NUDT5: variants seen among roughly 807,000 people sequenced by gnomAD.
NUDT5 encodes the protein ADP-sugar pyrophosphatase.
In NUDT5, 21 loss-of-function variants were observed where a neutral mutation model predicts 34.1. The ratio of observed to expected loss-of-function variants is 0.62; its 90% CI spans 0.44 to 0.89. NUDT5 has a LOEUF of 0.89. NUDT5 is among the 40% of genes least tolerant of loss of function. The pLI, the probability that NUDT5 is intolerant of heterozygous loss-of-function variation, is 0.00. For synonymous variants in NUDT5, 85 were observed against 97.6 expected (o/e 0.87, Z 0.76); for missense variants, 249 against 274.8 (o/e 0.91, Z 0.66).
chr10:12,189,894 ATTT>A (rs34725302), intron 1 of NUDT5, among the ~76,000 whole-genome samples: 12 of 130,882 alleles, frequency 9.2e-5, no homozygotes, highest in Non-Finnish European at 1.2e-4. Context: ...GTGTTCTACA[ATTT>A]TTTTTTTTTT....
At position 12,182,728 on chromosome 10, in the gene NUDT5, C is replaced by A. The variant is rs1449681132; in HGVS notation, c.131+2161G>T. On this transcript the variant is annotated intron_variant, in intron 3 of 9. Coordinates refer to ENST00000491614, the MANE Select transcript of NUDT5 (RefSeq NM_014142.4). The surrounding 1 kb of genome is among the most constrained non-coding windows in gnomAD (Gnocchi z 4.3). ...GCGAAGAGATGAGCTGGCGCGAACA[C>A]ATCTTTTTATTTTATTTTTATTTTT... 1.3e-5 allele frequency among the ~76,000 whole-genome samples: 2 copies of A among 152,092 alleles called. No homozygotes were observed. Among genetic ancestry groups the A allele is most frequent in the Non-Finnish European group, 2.9e-5 (2 of 68,010 alleles).
In NUDT5 at chr10:12,191,087, A is replaced by G. The variant is rs190951405; in HGVS notation, c.-42+4683T>C. 3.1e-3 allele frequency among the ~76,000 whole-genome samples: 468 copies of G among 152,226 alleles called. 3 individuals carry two copies. Among genetic ancestry groups the G allele is most frequent in the Non-Finnish European group, 3.9e-3 (265 of 68,012 alleles). ...AAGCTCCTCCTCCACTTTCTCCTTTAAAAAACAAAGGAAAGGCCGGGCACA... is the reference window on the plus strand; with the variant it reads ...AAGCTCCTCCTCCACTTTCTCCTTTGAAAAACAAAGGAAAGGCCGGGCACA... On this transcript the variant is annotated intron_variant, in intron 1 of 9. Transcript: ENST00000491614.
At chr10:12,177,763 TA>T in intron 5 of NUDT5, 29 bp downstream of exon 5, 1 of 1,503,624 alleles carries the variant, frequency 6.7e-7, no homozygotes, top group Non-Finnish European at 9.3e-7. Flanking sequence ...CCAACATCCC[TA>T]AGAAGCAATT....
intron 6 of NUDT5, 60 bp from the exon 7 acceptor site, chr10:12,172,926 CT>C (rs1834884049): frequency 7.9e-7 from 1 of 1,257,930 alleles, no homozygotes; most frequent in Non-Finnish European, 1.2e-6. Flanking sequence ...TCACTATGGT[CT>C]TAGGAAGAAG....
Position 12,169,646 on chromosome 10 carries a change from T to C in NUDT5, c.550+1071A>G, listed in dbSNP as rs1478884619. ...GTGGCTTCTACCTTAGGTCTAGTTT[T>C]TGGAAAGGTGAAGCAGGAGTGGAAG... is the stretch of plus-strand genomic sequence containing the variant. On this transcript the variant is annotated intron_variant, in intron 9 of 9. Coordinates refer to ENST00000491614, the MANE Select transcript of NUDT5 (RefSeq NM_014142.4). The surrounding 1 kb of genome is among the most constrained non-coding windows in gnomAD (Gnocchi z 4.8). 1.6e-5 allele frequency: 4 copies of C among 251,422 alleles called. No homozygotes were observed. Among genetic ancestry groups the C allele is most frequent in the Non-Finnish European group, 3.0e-5 (4 of 132,952 alleles). The allele number at this position is 251,422 out of a possible 1,614,324, so 15.6% of individuals were successfully genotyped here. A position where few individuals can be genotyped will look rare whatever the true frequency, so the allele number is the denominator to read the frequency against.
Position 12,181,979 on chromosome 10 carries a change from A to C in NUDT5, c.132-2847T>G, listed in dbSNP as rs1161259328. Among the ~76,000 whole-genome samples, 2 of 152,088 alleles carry C rather than the reference A, an allele frequency of 1.3e-5. No individual in the cohort carries two copies. Among genetic ancestry groups the C allele is most frequent in the Non-Finnish European group, 2.9e-5 (2 of 68,016 alleles). On this transcript the variant is annotated intron_variant, in intron 3 of 9. Transcript: ENST00000491614. The surrounding 1 kb of genome is among the most constrained non-coding windows in gnomAD (Gnocchi z 5.0). The stretch of plus-strand genomic sequence containing the variant: ...CAACACTGCCTCTACTAAAAATACA[A>C]AAATCAGCCAGGCCCAGTGGCATGC...
Position 12,167,676 on chromosome 10 carries a change from A to G in NUDT5, c.*26T>C. 1 of 1,609,396 alleles carries G rather than the reference A, an allele frequency of 6.2e-7. No individual in the cohort carries two copies. The highest frequency in any genetic ancestry group is 2.2e-5 in the East Asian group (1 of 44,838). On this transcript the variant is annotated 3_prime_UTR_variant, in exon 10 of 10. Coordinates refer to ENST00000491614, the MANE Select transcript of NUDT5 (RefSeq NM_014142.4). ...AAGAAGGCCTGGTGGTCTCGTTTAC[A>G]AAAATGGCCAGTGTCATATTTGGGC...
intron 4 of NUDT5, among the ~76,000 whole-genome samples, chr10:12,178,650 A>ACC (rs1404549113): frequency 6.6e-6 from 1 of 152,240 alleles, no homozygotes; most frequent in African/African-American, 2.4e-5. Flanking sequence ...GGGGAGGGTG[A>ACC]ATGGAATAGG....
At position 12,175,600 on chromosome 10, in the gene NUDT5, C is replaced by T. The variant is rs1484527498; in HGVS notation, c.290-1787G>A. On this transcript the variant is annotated intron_variant, in intron 5 of 9. Transcript: ENST00000491614. The surrounding 1 kb of genome is among the most constrained non-coding windows in gnomAD (Gnocchi z 4.8). ...AAGGCTGCAGTGAGCTGTGATTGTG[C>T]CACTGCACTCCAACATGGGCAACAG... is the stretch of plus-strand genomic sequence containing the variant. Among the ~76,000 whole-genome samples, 1 of 152,054 alleles carries T rather than the reference C, an allele frequency of 6.6e-6. No homozygotes were observed. The highest frequency in any genetic ancestry group is 1.5e-5 in the Non-Finnish European group (1 of 68,008).
Position 12,175,079 on chromosome 10 carries a change from G to A in NUDT5, c.290-1266C>T, listed in dbSNP as rs1042793932. Among the ~76,000 whole-genome samples, 2 of 152,156 alleles carry A rather than the reference G, an allele frequency of 1.3e-5. No individual in the cohort carries two copies. Among genetic ancestry groups the A allele is most frequent in the African/African-American group, 4.8e-5 (2 of 41,434 alleles). ...CCACACCTGTAACCCCAGCACTTTG[G>A]GAGGCCGAGGCGGGCAGATCACCTG... On this transcript the variant is annotated intron_variant, in intron 5 of 9. Transcript: ENST00000491614. The surrounding 1 kb of genome is among the most constrained non-coding windows in gnomAD (Gnocchi z 4.8).
Position 12,173,034 on chromosome 10 carries a change from C to T in NUDT5, c.386-168G>A, listed in dbSNP as rs1490379418. 1.3e-5 allele frequency among the ~76,000 whole-genome samples: 2 copies of T among 152,224 alleles called. No homozygotes were observed. Among genetic ancestry groups the T allele is most frequent in the Admixed American group, 6.5e-5 (1 of 15,288 alleles). On this transcript the variant is annotated intron_variant, in intron 6 of 9. Transcript: ENST00000491614. The surrounding 1 kb of genome is among the most constrained non-coding windows in gnomAD (Gnocchi z 4.7). Reference sequence around the variant, plus strand: ...CTGCAGGCTGCAAAGCATCTGGGCACTCACACTCTCCCCAGAGCTCTCGAG... The same window carrying T: ...CTGCAGGCTGCAAAGCATCTGGGCATTCACACTCTCCCCAGAGCTCTCGAG...
chr10:12,195,841 G>A lies in NUDT5; in HGVS notation c.-113C>T, dbSNP rs989209745. The A allele has an allele frequency of 1.3e-5, 3 of 230,912 alleles. No homozygotes were observed. The highest frequency in any genetic ancestry group is 4.6e-5 in the African/African-American group (2 of 43,078). The allele number at this position is 230,912 out of a possible 1,614,324, so 14.3% of individuals were successfully genotyped here. A position where few individuals can be genotyped will look rare whatever the true frequency, so the allele number is the denominator to read the frequency against. On this transcript the variant is annotated 5_prime_UTR_variant, in exon 1 of 10. Coordinates refer to ENST00000491614, the MANE Select transcript of NUDT5 (RefSeq NM_014142.4). Reference sequence around the variant, plus strand: ...GGAGGCAGCAGTGTCAGCCGATGCCGGTGCCACGGCTCGAAACACCGGCGC... The same window carrying A: ...GGAGGCAGCAGTGTCAGCCGATGCCAGTGCCACGGCTCGAAACACCGGCGC...
chr10:12,168,429 G>T lies in NUDT5; in HGVS notation c.551-618C>A, dbSNP rs1256120891. On this transcript the variant is annotated intron_variant, in intron 9 of 9. Coordinates refer to ENST00000491614, the MANE Select transcript of NUDT5 (RefSeq NM_014142.4). The surrounding 1 kb of genome is among the most constrained non-coding windows in gnomAD (Gnocchi z 4.8). ...GGCTTTGCTTTTCTGAAACCAGATG[G>T]TGATGATTATGTAGGATCTTAGGGA... Among the ~76,000 whole-genome samples, 1 of 152,184 alleles carries T rather than the reference G, an allele frequency of 6.6e-6. No homozygotes were observed. Among genetic ancestry groups the T allele is most frequent in the Non-Finnish European group, 1.5e-5 (1 of 68,026 alleles).
rs1368687866 is a variant in NUDT5, at chr10:12,175,664, G to A, written c.290-1851C>T. 6.6e-6 allele frequency among the ~76,000 whole-genome samples: 1 copy of A among 151,934 alleles called. No homozygotes were observed. The highest frequency in any genetic ancestry group is 1.5e-5 in the Non-Finnish European group (1 of 67,966). ...CTCAAAAAAAGAGCCCGGGCATGGC[G>A]GCTCACACCTGTAATCTTAGCACTT... On this transcript the variant is annotated intron_variant, in intron 5 of 9. Coordinates refer to ENST00000491614, the MANE Select transcript of NUDT5 (RefSeq NM_014142.4). The surrounding 1 kb of genome is among the most constrained non-coding windows in gnomAD (Gnocchi z 4.8).
At position 12,181,244 on chromosome 10, in the gene NUDT5, C is replaced by A. The variant is rs1264186015; in HGVS notation, c.132-2112G>T. Among the ~76,000 whole-genome samples the A allele has an allele frequency of 6.6e-6, 1 of 152,120 alleles. No homozygotes were observed. The highest frequency in any genetic ancestry group is 1.5e-5 in the Non-Finnish European group (1 of 68,018). On this transcript the variant is annotated intron_variant, in intron 3 of 9. Coordinates refer to ENST00000491614, the MANE Select transcript of NUDT5 (RefSeq NM_014142.4). The surrounding 1 kb of genome is among the most constrained non-coding windows in gnomAD (Gnocchi z 5.0). ...CTGTGATTACTCTAGAGATGAAGTG[C>A]GTGGGAGGATGTGCATAGGTTAGAG...
Position 12,182,716 on chromosome 10 carries a change from C to G in NUDT5, c.131+2173G>C, listed in dbSNP as rs1443225271. On this transcript the variant is annotated intron_variant, in intron 3 of 9. Coordinates refer to ENST00000491614, the MANE Select transcript of NUDT5 (RefSeq NM_014142.4). The surrounding 1 kb of genome is among the most constrained non-coding windows in gnomAD (Gnocchi z 4.3). ...AAGACCAGTCAGGCGAAGAGATGAG[C>G]TGGCGCGAACACATCTTTTTATTTT... 6.6e-6 allele frequency among the ~76,000 whole-genome samples: 1 copy of G among 152,160 alleles called. No individual in the cohort carries two copies. The highest frequency in any genetic ancestry group is 1.5e-5 in the Non-Finnish European group (1 of 68,034).
chr10:12,179,288 A>C (rs1423030099), intron 3 of NUDT5, among the ~76,000 whole-genome samples, 156 bp from the exon 4 acceptor site: 1 of 152,272 alleles, frequency 6.6e-6, no homozygotes, highest in Non-Finnish European at 1.5e-5. Flanking sequence ...TGCATTAAAG[A>C]AGCTAATTCT....
chr10:12,177,506 G>C (rs576369419), intron 5 of NUDT5, among the ~76,000 whole-genome samples: 1 of 152,172 alleles, frequency 6.6e-6, no homozygotes, highest in Admixed American at 6.5e-5. Context: ...GTGATAGAGC[G>C]AGACTCCGTC....
At position 12,181,122 on chromosome 10, in the gene NUDT5, A is replaced by G. The variant is rs1272667801; in HGVS notation, c.132-1990T>C. Among the ~76,000 whole-genome samples the G allele has an allele frequency of 1.3e-5, 2 of 152,178 alleles. No homozygotes were observed. Among genetic ancestry groups the G allele is most frequent in the Non-Finnish European group, 2.9e-5 (2 of 68,038 alleles). On this transcript the variant is annotated intron_variant, in intron 3 of 9. Transcript: ENST00000491614. The surrounding 1 kb of genome is among the most constrained non-coding windows in gnomAD (Gnocchi z 5.0). ...CCCATTGAAAATATTTAGGAAAAAA[A>G]TTGCATCTATACTGAACAGGTCCAC...
Sources: allele counts gnomAD v4.1 joint callset (sites outside exome capture counted in the v4.1 genomes callset), GRCh38; gene constraint gnomAD v4.1.1; non-coding constraint Gnocchi (gnomAD v3.1); transcripts MANE v1.5; gene names NCBI Gene and HGNC (gene_info 2026-07-23, HGNC 2026-07-21).